The following CNTN6 variants were observed in gnomAD, a reference collection of about 807,000 sequenced individuals.
The protein encoded by CNTN6 is contactin 6, also known as contactin-6.
A neutral mutation model predicts 122.8 loss-of-function variants in CNTN6; 137 were observed. The ratio of observed to expected loss-of-function variants is 1.12; its 90% CI spans 0.97 to 1.29. The LOEUF (loss-of-function observed/expected upper bound fraction) is 1.29. Ranked by LOEUF, CNTN6 falls within the 50% of genes most tolerant of loss-of-function variation. The pLI is 0.00. For missense variants in CNTN6, 1,634 were observed against 1,223.4 expected (o/e 1.34, Z -5.01); for synonymous variants, 570 against 426.0 (o/e 1.34, Z -4.16).
In CNTN6 at chr3:1,260,247, G is replaced by A. The variant is rs1009726080; in HGVS notation, c.359-18166G>A. Among the ~76,000 whole-genome samples the A allele has an allele frequency of 2.3e-5, 3 of 129,626 alleles. No individual in the cohort carries two copies. The Admixed American group carries it at 2.4e-4, about 10-fold the overall frequency. The allele number at this position is 129,626 out of a possible 152,430, so 85.0% of individuals were successfully genotyped here. On this transcript the variant is annotated intron_variant, in intron 4 of 22. Coordinates refer to ENST00000446702, the MANE Select transcript of CNTN6 (RefSeq NM_001289080.2). ...ACACAGAATATCAAAAACATTTTTT[G>A]TTTGTTTGTTTTCGGGAGTCAATTG...
intron 1 of CNTN6, among the ~76,000 whole-genome samples, chr3:1,124,856 T>C (rs1276136384): frequency 6.6e-6 from 1 of 151,948 alleles, no homozygotes; most frequent in Non-Finnish European, 1.5e-5. Flanking sequence ...AACACCAGCA[T>C]TGCCCATGCC....
intron 12 of CNTN6, among the ~76,000 whole-genome samples, chr3:1,359,266 G>A (rs1707098735): frequency 2.6e-5 from 4 of 152,066 alleles, no homozygotes; most frequent in African/African-American, 9.7e-5. Flanking sequence ...AGAATCTACA[G>A]AGCATGTTCT....
intron 2 of CNTN6, among the ~76,000 whole-genome samples, chr3:1,183,147 G>A (rs957759395): frequency 5.3e-5 from 8 of 152,104 alleles, no homozygotes; most frequent in African/African-American, 1.9e-4. Flanking sequence ...AACGCATAAT[G>A]CCACTGAATT....
In CNTN6 at chr3:1,325,883, T is replaced by C; in HGVS notation, c.1015T>C (p.Cys339Arg). 1 of 1,611,918 alleles carries C rather than the reference T, an allele frequency of 6.2e-7. No homozygotes were observed. Among genetic ancestry groups the C allele is most frequent in the Non-Finnish European group, 8.5e-7 (1 of 1,178,664 alleles). Reference sequence around the variant, plus strand: ...TATCTATGACAACTTGCTCTGGGAATGTAAAGCTAGTGGAAAGCCAAACCC... The same window carrying C: ...TATCTATGACAACTTGCTCTGGGAACGTAAAGCTAGTGGAAAGCCAAACCC... ...LSIYDNLLWECKASGKPNPWY... is the reference protein window; with the variant it reads ...LSIYDNLLWERKASGKPNPWY... The change falls in exon 9 of 23, where the codon TGT becomes CGT. Residue 339 changes from cysteine (C) to arginine (R), a missense_variant. Coordinates refer to ENST00000446702, the MANE Select transcript of CNTN6 (RefSeq NM_001289080.2).
chr3:1,235,669 A>G (rs904197429), intron 4 of CNTN6, among the ~76,000 whole-genome samples: 1 of 152,136 alleles, frequency 6.6e-6, no homozygotes, highest in Non-Finnish European at 1.5e-5. Context: ...TGCCCCAGAA[A>G]CTACCCCAGG....
At chr3:1,328,895 G>A (rs1701893276) in intron 10 of CNTN6, among the ~76,000 whole-genome samples, 1 of 151,456 alleles carries the variant, frequency 6.6e-6, no homozygotes, top group Admixed American at 6.6e-5. Context: ...CTTCTGAACT[G>A]GCATTTGTTC....
intron 2 of CNTN6, among the ~76,000 whole-genome samples, chr3:1,213,184 C>A (rs559378688): frequency 6.6e-6 from 1 of 152,158 alleles, no homozygotes; most frequent in South Asian, 2.1e-4. Flanking sequence ...CAAGTTATAC[C>A]CCCAATTTGG....
chr3:1,136,884 C>T (rs1285629468), intron 1 of CNTN6, among the ~76,000 whole-genome samples: 3 of 152,152 alleles, frequency 2.0e-5, no homozygotes, highest in African/African-American at 7.2e-5. Context: ...TCAGTCTCTT[C>T]ACCTGTAAAA....
At chr3:1,151,773 T>C (rs1423104644) in intron 2 of CNTN6, among the ~76,000 whole-genome samples, 2 of 152,148 alleles carry the variant, frequency 1.3e-5, no homozygotes, top group Non-Finnish European at 2.9e-5. Flanking sequence ...TCTTGACTAA[T>C]ACAGCTTTAA....
At chr3:1,265,768 G>A (rs2094916898) in intron 4 of CNTN6, among the ~76,000 whole-genome samples, 1 of 152,132 alleles carries the variant, frequency 6.6e-6, no homozygotes, top group Non-Finnish European at 1.5e-5. Flanking sequence ...GTCCTCTGGA[G>A]CTCAGATGGC....
chr3:1,326,049 G>T, intron 9 of CNTN6, 98 bp downstream of exon 9: 2 of 1,051,556 alleles, frequency 1.9e-6, no homozygotes, highest in Admixed American at 5.0e-5. Flanking sequence ...AATGTTAATG[G>T]AGTCTTTGGT....
At chr3:1,292,082 T>C (rs1695422850) in intron 5 of CNTN6, among the ~76,000 whole-genome samples, 1 of 152,072 alleles carries the variant, frequency 6.6e-6, no homozygotes, top group Non-Finnish European at 1.5e-5. Flanking sequence ...TGCTTGATCA[T>C]GTCTAATGAT....
intron 2 of CNTN6, among the ~76,000 whole-genome samples, chr3:1,181,359 A>G (rs563069135): frequency 4.0e-4 from 61 of 152,204 alleles, no homozygotes; most frequent in Non-Finnish European, 7.9e-4. Context: ...GAAAAAGGAG[A>G]TGACTTCTCA....
At chr3:1,104,065 A>C (rs1050651723) in intron 1 of CNTN6, among the ~76,000 whole-genome samples, 5 of 152,156 alleles carry the variant, frequency 3.3e-5, no homozygotes, top group Non-Finnish European at 7.4e-5. Flanking sequence ...TATTTCAGGC[A>C]CTAGTGATGC....
At chr3:1,361,932 C>G (rs1002578626) in intron 12 of CNTN6, among the ~76,000 whole-genome samples, 6 of 151,866 alleles carry the variant, frequency 4.0e-5, no homozygotes, top group Non-Finnish European at 7.4e-5. Context: ...ATGAAGAAAC[C>G]AATCAGAAAG....
At chr3:1,345,224 C>G (rs957654143) in intron 11 of CNTN6, among the ~76,000 whole-genome samples, 3 of 151,714 alleles carry the variant, frequency 2.0e-5, no homozygotes, top group South Asian at 2.1e-4. Flanking sequence ...TCAAGTGATT[C>G]TCCCGCCTCA....
chr3:1,402,341 G>A lies in CNTN6; in HGVS notation c.2841G>A (p.Gln947=). Residue 947 remains glutamine, a synonymous_variant, in exon 22 of 23, where the codon CAG becomes CAA. Transcript: ENST00000446702. ...AGATTCTGTACCGGCAAAACAGACA[G>A]AGTAAAACTCATATTTTGGAAACAA... ...GYKILYRQNR[Q]SKTHILETNN... 6.2e-7 allele frequency: 1 copy of A among 1,610,638 alleles called. No homozygotes were observed. Among genetic ancestry groups the A allele is most frequent in the Non-Finnish European group, 8.5e-7 (1 of 1,178,518 alleles).
At chr3:1,323,072 G>C (rs1189789617) in intron 8 of CNTN6, among the ~76,000 whole-genome samples, 2 of 151,518 alleles carry the variant, frequency 1.3e-5, no homozygotes, top group Non-Finnish European at 3.0e-5. Context: ...AGAACACAAA[G>C]GTATCTGTAA....
chr3:1,270,411 T>C (rs1436424966), intron 4 of CNTN6, among the ~76,000 whole-genome samples: 1 of 152,216 alleles, frequency 6.6e-6, no homozygotes, highest in Non-Finnish European at 1.5e-5. Flanking sequence ...GAAAGTTGCA[T>C]ATATCATATC....
Sources: gnomAD v4.1 joint callset for allele counts (sites outside exome capture counted in the v4.1 genomes callset) on GRCh38, gnomAD v4.1.1 for gene constraint, MANE v1.5 for transcripts, NCBI Gene and HGNC (gene_info 2026-07-23, HGNC 2026-07-21) for gene names.